Variants in TGFB1 observed in about 807,000 individuals in gnomAD.
TGFB1 encodes the protein transforming growth factor beta 1.
Under a neutral mutation model 43.8 loss-of-function variants are expected in TGFB1, and 19 were observed. That is an observed-to-expected ratio of 0.43 (90% confidence interval 0.30 to 0.64). TGFB1 has a LOEUF of 0.64. TGFB1 is among the 30% of genes least tolerant of loss of function. TGFB1 has a pLI of 0.11. For synonymous variants in TGFB1, 221 were observed against 236.3 expected, an observed-to-expected ratio of 0.94 and a Z score of 0.60; for missense variants, 445 against 529.8, an observed-to-expected ratio of 0.84 and a Z score of 1.57.
chr19:41,332,039 C>A, intron 6 of TGFB1, 89 bp downstream of exon 6: 2 of 1,517,958 alleles, frequency 1.3e-6, no homozygotes, highest in Non-Finnish European at 9.0e-7. Context: ...TGCCAACTCA[C>A]CTCTCTGACT....
chr19:41,352,540 C>T (rs1232639279), intron 1 of TGFB1, 150 bp downstream of exon 1: 1 of 962,102 alleles, frequency 1.0e-6, no homozygotes. Flanking sequence ...CTTTCGGACA[C>T]CCCCCTCCCA....
At chr19:41,331,566 C>CTTT (rs3061187) in intron 6 of TGFB1, among the ~76,000 whole-genome samples, 11 of 77,506 alleles carry the variant, frequency 1.4e-4, no homozygotes, top group African/African-American at 2.5e-4. Context: ...CCACTCCTAG[C>CTTT]TTTTTTTTTT....
chr19:41,351,824 G>GTA (rs917409269), intron 1 of TGFB1, among the ~76,000 whole-genome samples: 3 of 70,638 alleles, frequency 4.2e-5, no homozygotes, highest in African/African-American at 1.9e-4. Context: ...ATGGCGCTGG[G>GTA]TATCTCTCCT....
Position 41,353,178 on chromosome 19 carries a change from G to T in TGFB1, c.-134C>A. On this transcript the variant is annotated 5_prime_UTR_variant, in exon 1 of 7. The change creates a new upstream start codon in the 5' untranslated region. Transcript: ENST00000221930. This position sits in a 1 kb window ranked among gnomAD's most constrained non-coding sequence, Gnocchi z 5.9. ...CCTCGAGGGAAAGCTGAGGTCCTCA[G>T]GGAGAAGGGCGCAGTGGTGGAGGGG... The T allele has an allele frequency of 8.6e-7, 1 of 1,169,318 alleles. No individual in the cohort carries two copies. The highest frequency in any genetic ancestry group is 1.6e-5 in the African/African-American group (1 of 62,326). The allele number at this position is 1,169,318 out of a possible 1,614,324, so 72.4% of individuals were successfully genotyped here. A position where few individuals can be genotyped will look rare whatever the true frequency, so the allele number is the denominator to read the frequency against.
At chr19:41,350,563 C>T (rs1356555774) in intron 1 of TGFB1, among the ~76,000 whole-genome samples, 2 of 152,194 alleles carry the variant, frequency 1.3e-5, no homozygotes, top group Non-Finnish European at 2.9e-5. Context: ...CCACCTTGGC[C>T]TCCCAAAGTG....
In TGFB1 at chr19:41,353,117, C is replaced by T. The variant is rs56155294; in HGVS notation, c.-73G>A. 8.0e-4 allele frequency: 1,140 copies of T among 1,431,380 alleles called. No individual in the cohort carries two copies. Among genetic ancestry groups the T allele is most frequent in the Non-Finnish European group, 9.6e-4 (1,051 of 1,099,330 alleles). 88.7% of individuals were successfully genotyped at this position (1,431,380 alleles called of 1,614,324 possible). ...GTGTGGTGGGGAGGCCCCGCCCCTG[C>T]AGGGGCTGGGGGTCTCCCGGCAAAA... is the stretch of plus-strand genomic sequence containing the variant. On this transcript the variant is annotated 5_prime_UTR_variant, in exon 1 of 7. Transcript: ENST00000221930. The surrounding 1 kb of genome is among the most constrained non-coding windows in gnomAD (Gnocchi z 5.9).
At chr19:41,338,966 G>A (rs189760209) in intron 5 of TGFB1, among the ~76,000 whole-genome samples, 1,665 of 142,562 alleles carry the variant, frequency 0.012, 30 homozygotes, top group African/African-American at 0.043. Flanking sequence ...TGCATGGGGG[G>A]TACGTGTGTG....
At chr19:41,340,968 G>A (rs778603327) in intron 5 of TGFB1, among the ~76,000 whole-genome samples, 2 of 152,164 alleles carry the variant, frequency 1.3e-5, no homozygotes, top group Non-Finnish European at 2.9e-5. Context: ...TCAAGATGGT[G>A]ACCTTCCAAC....
chr19:41,352,380 C>A (rs1309735434), intron 1 of TGFB1, among the ~76,000 whole-genome samples: 1 of 142,410 alleles, frequency 7.0e-6, no homozygotes, highest in Non-Finnish European at 1.5e-5. Flanking sequence ...GAAGAGGGAG[C>A]CTTCTACCCT....
chr19:41,346,308 C>T (rs1030880338), intron 2 of TGFB1, among the ~76,000 whole-genome samples: 2 of 152,164 alleles, frequency 1.3e-5, no homozygotes, highest in African/African-American at 4.8e-5. Context: ...CAAGATGGTG[C>T]CATTGCACTC....
At chr19:41,337,726 T>G (rs2038003626) in intron 5 of TGFB1, among the ~76,000 whole-genome samples, 1 of 152,176 alleles carries the variant, frequency 6.6e-6, no homozygotes, top group Admixed American at 6.6e-5. Context: ...GGTGAATTTT[T>G]CTTCCACCTC....
intron 1 of TGFB1, among the ~76,000 whole-genome samples, chr19:41,352,045 A>G (rs562085896): frequency 6.6e-6 from 1 of 150,724 alleles, no homozygotes; most frequent in Non-Finnish European, 1.5e-5. Flanking sequence ...TCCTCCTTCC[A>G]ATAACCTCCC....
rs1238075739 is a variant in TGFB1 at position 41,353,533 on chromosome 19, G to A, written c.-489C>T. ...CAAGCGTCCCCGGCGGCAAAGGGAG[G>A]CGGTCTGGGGTCCCCAAGTCCTGCC... On this transcript the variant is annotated 5_prime_UTR_variant, in exon 1 of 7. Coordinates refer to ENST00000221930, the MANE Select transcript of TGFB1 (RefSeq NM_000660.7). The surrounding 1 kb of genome is among the most constrained non-coding windows in gnomAD (Gnocchi z 5.9). 1 of 154,438 alleles carries A rather than the reference G, an allele frequency of 6.5e-6. No homozygotes were observed. The highest frequency in any genetic ancestry group is 1.4e-5 in the Non-Finnish European group (1 of 69,594). 9.6% of individuals were successfully genotyped at this position (154,438 alleles called of 1,614,324 possible). A position where few individuals can be genotyped will look rare whatever the true frequency, so the allele number is the denominator to read the frequency against.
At chr19:41,344,912 C>T (rs555016589) in intron 2 of TGFB1, 48 bp from the exon 3 acceptor site, 34 of 1,488,354 alleles carry the variant, frequency 2.3e-5, no homozygotes, top group South Asian at 4.8e-5. Flanking sequence ...GATGGTGTCA[C>T]GACCCCACAT....
intron 1 of TGFB1, among the ~76,000 whole-genome samples, chr19:41,351,786 C>T (rs2038199441): frequency 2.1e-5 from 2 of 94,674 alleles, no homozygotes; most frequent in African/African-American, 8.9e-5. Context: ...AGCCCATTCC[C>T]CTGCATCCTG....
rs909471993 is a variant in TGFB1 at position 41,352,547 on chromosome 19, C to T, written c.355+143G>A. 2.5e-5 allele frequency: 25 copies of T among 1,006,038 alleles called. No individual in the cohort carries two copies. In the African/African-American group the frequency reaches 3.8e-4, roughly 15 times the overall value. The allele number at this position is 1,006,038 out of a possible 1,614,324, so 62.3% of individuals were successfully genotyped here. A position where few individuals can be genotyped will look rare whatever the true frequency, so the allele number is the denominator to read the frequency against. ...GCCATCCTCTTTCGGACACCCCCCT[C>T]CCACCATCACACGTTCCCTTTGCCC... is the stretch of plus-strand genomic sequence containing the variant. On this transcript the variant is annotated intron_variant, in intron 1 of 6. Transcript: ENST00000221930.
intron 5 of TGFB1, among the ~76,000 whole-genome samples, chr19:41,339,996 ACT>A (rs1383272129): frequency 6.6e-6 from 1 of 152,078 alleles, no homozygotes; most frequent in Admixed American, 6.6e-5. Flanking sequence ...TCAGATGATC[ACT>A]CTAAATTTAC....
chr19:41,353,494 G>A lies in TGFB1; in HGVS notation c.-450C>T, dbSNP rs2038243121. The A allele has an allele frequency of 6.3e-6, 1 of 157,982 alleles. No homozygotes were observed. The highest frequency in any genetic ancestry group is 2.4e-5 in the African/African-American group (1 of 41,558). The allele number at this position is 157,982 out of a possible 1,614,324, so 9.8% of individuals were successfully genotyped here. ...GGGCGCCTGAGGGACGCCGTGTAGG[G>A]GGCAGGGAGGGAGCAAGCGTCCCCG... On this transcript the variant is annotated 5_prime_UTR_variant, in exon 1 of 7. Transcript: ENST00000221930. The surrounding 1 kb of genome is among the most constrained non-coding windows in gnomAD (Gnocchi z 5.9).
intron 5 of TGFB1, among the ~76,000 whole-genome samples, chr19:41,334,293 T>C (rs543982131): frequency 5.0e-4 from 76 of 152,018 alleles, no homozygotes; most frequent in Non-Finnish European, 9.0e-4. Context: ...AAGAATCTGC[T>C]TGAACCCAAG....
Sources: gnomAD v4.1 joint callset for allele counts (sites outside exome capture counted in the v4.1 genomes callset) on GRCh38, gnomAD v4.1.1 for gene constraint, Gnocchi (gnomAD v3.1) non-coding constraint, MANE v1.5 for transcripts, NCBI Gene and HGNC (gene_info 2026-07-23, HGNC 2026-07-21) for gene names.